The following ROR2 variants were observed in gnomAD, a reference collection of about 807,000 sequenced individuals.
ROR2 encodes the protein ROR family WNT receptor 2, also known as tyrosine-protein kinase transmembrane receptor ROR2.
Under a neutral mutation model 74.9 loss-of-function variants are expected in ROR2, and 33 were observed. The observed-to-expected ratio is 0.44, with a 90% CI of 0.33 to 0.59. The LOEUF (loss-of-function observed/expected upper bound fraction) is 0.59. Among genes scored for constraint, ROR2 ranks in the 20% least tolerant of loss-of-function variants. The pLI is 0.02. For missense variants in ROR2, 1,216 were observed against 1,313.8 expected, an observed-to-expected ratio of 0.93 and a Z score of 1.15; for synonymous variants, 586 against 558.7, an observed-to-expected ratio of 1.05 and a Z score of -0.69.
intron 1 of ROR2, among the ~76,000 whole-genome samples, chr9:91,870,699 A>C (rs1347940871): frequency 6.6e-6 from 1 of 152,264 alleles, no homozygotes; most frequent in Non-Finnish European, 1.5e-5. Flanking sequence ...TCAAAAAGAA[A>C]AAACCTCATA....
At chr9:91,777,389 C>CCA (rs112876626) in intron 1 of ROR2, among the ~76,000 whole-genome samples, 27,250 of 149,808 alleles carry the variant, frequency 0.18, 2,545 homozygotes, top group South Asian at 0.28. Flanking sequence ...AACAAAACTG[C>CCA]CACACACACA....
intron 1 of ROR2, among the ~76,000 whole-genome samples, chr9:91,805,091 CAT>C (rs1200895534): frequency 6.6e-6 from 1 of 152,212 alleles, no homozygotes; most frequent in African/African-American, 2.4e-5. Flanking sequence ...TCCAAAGCCA[CAT>C]GACTATCCTC....
intron 1 of ROR2, chr9:91,948,504 C>G: frequency 1.1e-6 from 1 of 912,894 alleles, no homozygotes. Flanking sequence ...AACGCAAGCT[C>G]CCTTCCCAAA....
chr9:91,819,815 TTGTC>T (rs1005090395), intron 1 of ROR2, among the ~76,000 whole-genome samples: 1 of 152,076 alleles, frequency 6.6e-6, no homozygotes, highest in Non-Finnish European at 1.5e-5. Flanking sequence ...GTGCCTGTGT[TTGTC>T]TGTCTTTGAA....
chr9:91,838,840 G>T (rs1318423743), intron 1 of ROR2, among the ~76,000 whole-genome samples: 1 of 152,204 alleles, frequency 6.6e-6, no homozygotes, highest in Non-Finnish European at 1.5e-5. Flanking sequence ...CTCCATTCTG[G>T]AGTTTTAAAT....
chr9:91,839,383 G>A (rs1481973009), intron 1 of ROR2, among the ~76,000 whole-genome samples: 1 of 151,170 alleles, frequency 6.6e-6, no homozygotes, highest in Admixed American at 6.6e-5. Context: ...ATGTGTGTAT[G>A]TATGTGGTGT....
At chr9:91,909,279 GA>G (rs1429856548) in intron 1 of ROR2, among the ~76,000 whole-genome samples, 2 of 152,062 alleles carry the variant, frequency 1.3e-5, no homozygotes, top group African/African-American at 4.8e-5. Flanking sequence ...CTTCTTATTG[GA>G]AAGAGGAGCT....
At chr9:91,787,959 AAAG>A (rs1483687585) in intron 1 of ROR2, among the ~76,000 whole-genome samples, 17 of 152,366 alleles carry the variant, frequency 1.1e-4, no homozygotes, top group African/African-American at 4.1e-4. Context: ...TCAAAAAAAT[AAAG>A]AAAAGGATAT....
At chr9:91,802,207 G>A (rs1827410544) in intron 1 of ROR2, among the ~76,000 whole-genome samples, 2 of 151,546 alleles carry the variant, frequency 1.3e-5, no homozygotes, top group African/African-American at 4.9e-5. Flanking sequence ...CCAGGTAGCT[G>A]GGACTACAGG....
intron 1 of ROR2, among the ~76,000 whole-genome samples, chr9:91,806,118 A>G (rs1389723999): frequency 1.3e-5 from 2 of 152,220 alleles, no homozygotes; most frequent in Non-Finnish European, 2.9e-5. Context: ...AGGACCCAGC[A>G]TGGCTTATTA....
intron 1 of ROR2, among the ~76,000 whole-genome samples, chr9:91,907,534 A>G (rs1001354656): frequency 3.3e-5 from 5 of 152,128 alleles, no homozygotes; most frequent in African/African-American, 4.8e-5. Context: ...AAAAAAGGTG[A>G]TATTTTTAAA....
At chr9:91,759,526 C>G (rs180990003) in intron 2 of ROR2, among the ~76,000 whole-genome samples, 1 of 152,210 alleles carries the variant, frequency 6.6e-6, no homozygotes, top group Admixed American at 6.5e-5. Context: ...TTAACTCAAC[C>G]ATACAGGCAC....
chr9:91,752,088 T>A (rs1271394093), intron 4 of ROR2, among the ~76,000 whole-genome samples: 1 of 152,234 alleles, frequency 6.6e-6, no homozygotes, highest in African/African-American at 2.4e-5. Context: ...TTAAAAAGGC[T>A]GACCACACCA....
In ROR2 at chr9:91,740,700, A is replaced by AT. The variant is rs1240570791; in HGVS notation, c.495-3183dup. 5.9e-5 allele frequency among the ~76,000 whole-genome samples: 9 copies of AT among 152,102 alleles called. No individual in the cohort carries two copies. In the East Asian group the frequency reaches 1.5e-3, roughly 26 times the overall value. On this transcript the variant is annotated intron_variant, in intron 4 of 8. Coordinates refer to ENST00000375708, the MANE Select transcript of ROR2 (RefSeq NM_004560.4). ...TTGCTTTCTATTTTCCAACAATTAT[A>AT]TTTTATCTTTATCTGGCACATTTGG...
chr9:91,833,410 T>C (rs1011947091), intron 1 of ROR2, among the ~76,000 whole-genome samples: 9 of 151,976 alleles, frequency 5.9e-5, no homozygotes, highest in African/African-American at 1.4e-4. Flanking sequence ...ACCGCTACTG[T>C]CCCTTTCCCA....
At chr9:91,883,322 G>C (rs1830173299) in intron 1 of ROR2, 1 of 152,160 alleles carries the variant, frequency 6.6e-6, no homozygotes, top group African/African-American at 2.4e-5. Context: ...CTTCAACAGG[G>C]TGGGAGTCAC....
chr9:91,906,046 C>A (rs1214928919), intron 1 of ROR2, among the ~76,000 whole-genome samples: 2 of 151,312 alleles, frequency 1.3e-5, no homozygotes, highest in Admixed American at 1.3e-4. Flanking sequence ...GTAATAATTG[C>A]TGAGCAGGCA....
intron 1 of ROR2, among the ~76,000 whole-genome samples, chr9:91,927,555 C>G (rs1831438942): frequency 8.4e-6 from 1 of 118,776 alleles, no homozygotes; most frequent in African/African-American, 2.8e-5. Flanking sequence ...TCTGTGTTTT[C>G]TAGATTCTTT....
intron 1 of ROR2, among the ~76,000 whole-genome samples, chr9:91,946,459 G>A (rs1832016894): frequency 6.6e-6 from 1 of 152,202 alleles, no homozygotes; most frequent in African/African-American, 2.4e-5. Flanking sequence ...GGGTGTGGAA[G>A]AGGAGGAGGA....
Sources: gnomAD v4.1 joint callset for allele counts (sites outside exome capture counted in the v4.1 genomes callset) on GRCh38, gnomAD v4.1.1 for gene constraint, MANE v1.5 for transcripts, NCBI Gene and HGNC (gene_info 2026-07-23, HGNC 2026-07-21) for gene names.